GRM1: variants seen among roughly 807,000 people sequenced by gnomAD.
The protein encoded by GRM1 is glutamate metabotropic receptor 1.
In GRM1, 33 loss-of-function variants were observed where a neutral mutation model predicts 90.9. That is an observed-to-expected ratio of 0.36 (90% CI 0.28 to 0.49). The LOEUF (loss-of-function observed/expected upper bound fraction) is 0.49. GRM1 is among the 20% of genes least tolerant of loss of function. GRM1 has a pLI of 0.99. For missense variants in GRM1, 1,190 were observed against 1,534.3 expected, an observed-to-expected ratio of 0.78 and a Z score of 3.75; for synonymous variants, 700 against 613.2, an observed-to-expected ratio of 1.14 and a Z score of -2.09.
At chr6:146,168,104 C>G (rs1004670546) in intron 2 of GRM1, among the ~76,000 whole-genome samples, 5 of 151,882 alleles carry the variant, frequency 3.3e-5, no homozygotes. Context: ...CGTTTGAGAA[C>G]ATTTTACTAG....
intron 2 of GRM1, among the ~76,000 whole-genome samples, chr6:146,196,585 A>G (rs1299493365): frequency 6.0e-5 from 9 of 149,938 alleles, no homozygotes; most frequent in South Asian, 2.1e-4. Context: ...GATTACAGGC[A>G]TGAGCCACCA....
intron 7 of GRM1, among the ~76,000 whole-genome samples, chr6:146,418,817 C>A (rs1159067115): frequency 6.6e-6 from 1 of 152,002 alleles, no homozygotes; most frequent in East Asian, 1.9e-4. Context: ...CCCAGGCAGT[C>A]CCAATTTATC....
chr6:146,032,284 G>A (rs975946695), intron 1 of GRM1, among the ~76,000 whole-genome samples: 2 of 152,132 alleles, frequency 1.3e-5, no homozygotes, highest in African/African-American at 4.8e-5. Context: ...ATAGAAATAT[G>A]TGGGGTTTAT....
At chr6:146,384,317 G>A (rs1434972708) in intron 5 of GRM1, among the ~76,000 whole-genome samples, 1 of 152,116 alleles carries the variant, frequency 6.6e-6, no homozygotes, top group Non-Finnish European at 1.5e-5. Context: ...AGCTGACATA[G>A]AGCCAGAAAT....
At chr6:146,250,547 C>G (rs1781233390) in intron 2 of GRM1, among the ~76,000 whole-genome samples, 1 of 152,192 alleles carries the variant, frequency 6.6e-6, no homozygotes, top group Admixed American at 6.5e-5. Flanking sequence ...CCTGAGGCCA[C>G]CCCAGCCATG....
intron 2 of GRM1, among the ~76,000 whole-genome samples, chr6:146,197,227 C>T (rs1056718790): frequency 2.6e-5 from 4 of 152,160 alleles, no homozygotes; most frequent in Non-Finnish European, 4.4e-5. Flanking sequence ...CTGAAGAGAA[C>T]AGTGTTAATG....
chr6:146,158,519 G>A (rs553719020), intron 1 of GRM1, among the ~76,000 whole-genome samples: 1 of 152,270 alleles, frequency 6.6e-6, no homozygotes, highest in South Asian at 2.1e-4. Flanking sequence ...AGTGGAAGGG[G>A]AGAGTTTGAG....
At chr6:146,430,547 C>A (rs1419860385) in intron 7 of GRM1, among the ~76,000 whole-genome samples, 1 of 152,108 alleles carries the variant, frequency 6.6e-6, no homozygotes, top group Non-Finnish European at 1.5e-5. Context: ...TAAAATTAAA[C>A]AATAGAAGGA....
At chr6:146,392,369 T>C (rs1024026228) in intron 6 of GRM1, among the ~76,000 whole-genome samples, 9 of 152,160 alleles carry the variant, frequency 5.9e-5, no homozygotes, top group Non-Finnish European at 1.3e-4. Flanking sequence ...GGTGTTGACA[T>C]GCACTGTCTT....
At chr6:146,154,138 G>T (rs1057507115) in intron 1 of GRM1, among the ~76,000 whole-genome samples, 3 of 152,142 alleles carry the variant, frequency 2.0e-5, no homozygotes, top group Admixed American at 6.5e-5. Context: ...GAGCATTCTT[G>T]TTCGTTTAAC....
chr6:146,137,657 A>G (rs1776675081), intron 1 of GRM1, among the ~76,000 whole-genome samples: 1 of 152,146 alleles, frequency 6.6e-6, no homozygotes, highest in Non-Finnish European at 1.5e-5. Context: ...ATCTGGTTCC[A>G]TAAACATTAG....
At chr6:146,401,954 C>G (rs1228299794) in intron 7 of GRM1, among the ~76,000 whole-genome samples, 1 of 152,162 alleles carries the variant, frequency 6.6e-6, no homozygotes, top group East Asian at 1.9e-4. Flanking sequence ...GGCATTGCTG[C>G]AAGAGATTAC....
At chr6:146,066,310 G>A (rs1582952514) in intron 1 of GRM1, among the ~76,000 whole-genome samples, 1 of 152,122 alleles carries the variant, frequency 6.6e-6, no homozygotes, top group African/African-American at 2.4e-5. Context: ...TTATAAGTGA[G>A]AACACATGGT....
intron 3 of GRM1, among the ~76,000 whole-genome samples, chr6:146,325,682 A>G (rs978578039): frequency 5.9e-5 from 9 of 152,216 alleles, no homozygotes; most frequent in African/African-American, 2.2e-4. Flanking sequence ...GGGTCCTTGG[A>G]ACACTATTAT....
intron 5 of GRM1, among the ~76,000 whole-genome samples, chr6:146,365,931 C>T (rs1775669217): frequency 6.6e-6 from 1 of 152,146 alleles, no homozygotes; most frequent in Admixed American, 6.6e-5. Flanking sequence ...GAGAAAGTCT[C>T]TTTAAATTTG....
intron 5 of GRM1, among the ~76,000 whole-genome samples, chr6:146,385,086 T>C (rs1776454680): frequency 6.6e-6 from 1 of 152,046 alleles, no homozygotes; most frequent in Non-Finnish European, 1.5e-5. Flanking sequence ...GAAGAAAACC[T>C]GAAGAAATGG....
intron 7 of GRM1, among the ~76,000 whole-genome samples, chr6:146,414,435 A>G (rs1321218968): frequency 6.8e-6 from 1 of 146,306 alleles, no homozygotes; most frequent in African/African-American, 2.6e-5. Context: ...ATGGAGTCTC[A>G]CACTGTCGTC....
Position 146,435,183 on chromosome 6 carries a change from C to G in GRM1, c.*387C>G. On this transcript the variant is annotated 3_prime_UTR_variant, in exon 8 of 8. Coordinates refer to ENST00000282753, the MANE Select transcript of GRM1 (RefSeq NM_001278064.2). Reference sequence around the variant, plus strand: ...CCCACACACACTGGGCCATGCTTGCCAAGGAACAGCCCACGTGGACATGCC... The same window carrying G: ...CCCACACACACTGGGCCATGCTTGCGAAGGAACAGCCCACGTGGACATGCC... The G allele has an allele frequency of 2.9e-6, 1 of 348,770 alleles. No individual in the cohort carries two copies. Among genetic ancestry groups the G allele is most frequent in the Non-Finnish European group, 5.5e-6 (1 of 180,700 alleles). 21.6% of individuals were successfully genotyped at this position (348,770 alleles called of 1,614,324 possible). A position where few individuals can be genotyped will look rare whatever the true frequency, so the allele number is the denominator to read the frequency against.
At chr6:146,208,066 T>C (rs559596967) in intron 2 of GRM1, among the ~76,000 whole-genome samples, 54 of 152,258 alleles carry the variant, frequency 3.5e-4, no homozygotes, top group Admixed American at 1.7e-3. Flanking sequence ...TCTCTTTTTT[T>C]CTTAAAGGTT....
Sources: gnomAD v4.1 joint callset for allele counts (sites outside exome capture counted in the v4.1 genomes callset) on GRCh38, gnomAD v4.1.1 for gene constraint, MANE v1.5 for transcripts, NCBI Gene and HGNC (gene_info 2026-07-23, HGNC 2026-07-21) for gene names.